The following CERS3 variants were observed in gnomAD, a reference collection of about 807,000 sequenced individuals.
CERS3 encodes LAG1 homolog, ceramide synthase 3.
Under a neutral mutation model 50.3 loss-of-function variants are expected in CERS3, and 33 were observed. That is an observed-to-expected ratio of 0.66 (90% CI 0.50 to 0.88). The LOEUF (loss-of-function observed/expected upper bound fraction) is 0.88. CERS3 is among the 40% of genes least tolerant of loss of function. The probability of loss-of-function intolerance (pLI) is 0.00; values close to 1 mark genes in which losing one functional copy is unlikely to be tolerated. For synonymous variants in CERS3, 176 were observed against 155.2 expected, an observed-to-expected ratio of 1.13 and a Z score of -0.99; for missense variants, 470 against 460.3, an observed-to-expected ratio of 1.02 and a Z score of -0.19.
intron 11 of CERS3, among the ~76,000 whole-genome samples, chr15:100,423,333 G>GCACT (rs2032587719): frequency 6.6e-6 from 1 of 152,106 alleles, no homozygotes; most frequent in Admixed American, 6.6e-5. Flanking sequence ...GTTCATCATA[G>GCACT]CACTATTCAC....
chr15:100,519,365 G>A (rs1382635667), intron 2 of CERS3, among the ~76,000 whole-genome samples: 1 of 152,082 alleles, frequency 6.6e-6, no homozygotes, highest in African/African-American at 2.4e-5. Flanking sequence ...AGAGTTCCTC[G>A]ATGTTATTCA....
At chr15:100,510,424 T>C (rs56017724) in intron 2 of CERS3, among the ~76,000 whole-genome samples, 18,167 of 152,176 alleles carry the variant, frequency 0.12, 1,274 homozygotes, top group African/African-American at 0.18. Context: ...AAATTCATAA[T>C]AGAGTTTCAA....
At chr15:100,427,874 A>G (rs2032914741) in intron 11 of CERS3, among the ~76,000 whole-genome samples, 1 of 152,222 alleles carries the variant, frequency 6.6e-6, no homozygotes, top group Admixed American at 6.5e-5. Context: ...CAGGATGGGA[A>G]CAGTTTTACT....
At chr15:100,499,624 C>T (rs910426199) in intron 3 of CERS3, among the ~76,000 whole-genome samples, 1 of 152,134 alleles carries the variant, frequency 6.6e-6, no homozygotes, top group African/African-American at 2.4e-5. Context: ...AGAAGATGTA[C>T]ATAAATGCAG....
chr15:100,484,196 C>G (rs1441703273), intron 5 of CERS3, among the ~76,000 whole-genome samples: 1 of 152,034 alleles, frequency 6.6e-6, no homozygotes, highest in Non-Finnish European at 1.5e-5. Flanking sequence ...TAGGGCCAAC[C>G]CTGACCCTAA....
At chr15:100,529,929 G>T (rs1463582241), upstream of CERS3, among the ~76,000 whole-genome samples, 1 of 152,202 alleles carries the variant, frequency 6.6e-6, no homozygotes, top group African/African-American at 2.4e-5. Context: ...GGAAACACCA[G>T]TTTCAAATTC....
intron 9 of CERS3, among the ~76,000 whole-genome samples, chr15:100,470,179 G>A (rs2034918460): frequency 1.3e-5 from 2 of 152,148 alleles, no homozygotes; most frequent in Admixed American, 6.5e-5. Context: ...GAAGTTTCTG[G>A]TGGGAATAGG....
chr15:100,416,848 A>T (rs1596617673), intron 11 of CERS3, among the ~76,000 whole-genome samples: 1 of 152,348 alleles, frequency 6.6e-6, no homozygotes, highest in East Asian at 1.9e-4. Context: ...CTAATATCCA[A>T]AATCTATAAG....
intron 1 of CERS3, among the ~76,000 whole-genome samples, chr15:100,528,079 T>C (rs1178744830): frequency 1.3e-5 from 2 of 152,262 alleles, no homozygotes; most frequent in African/African-American, 2.4e-5. Context: ...CCTAAAGCTT[T>C]ATTTCCCTTG....
intron 11 of CERS3, among the ~76,000 whole-genome samples, chr15:100,423,777 TCC>T (rs1342192694): frequency 1.3e-5 from 2 of 151,950 alleles, no homozygotes; most frequent in Non-Finnish European, 2.9e-5. Flanking sequence ...GAGCTCCTCT[TCC>T]CCCTACTCCA....
intron 11 of CERS3, among the ~76,000 whole-genome samples, chr15:100,423,498 C>G (rs1000373133): frequency 1.3e-5 from 2 of 152,046 alleles, no homozygotes; most frequent in African/African-American, 4.8e-5. Flanking sequence ...GGCCATTATC[C>G]CAAGTAAATT....
chr15:100,416,983 T>C (rs534935323), intron 11 of CERS3, among the ~76,000 whole-genome samples: 3 of 152,058 alleles, frequency 2.0e-5, no homozygotes, highest in African/African-American at 7.2e-5. Context: ...ATATTCAAAA[T>C]CACTAATAAT....
chr15:100,418,348 G>A (rs1334641352), intron 11 of CERS3, among the ~76,000 whole-genome samples: 1 of 151,968 alleles, frequency 6.6e-6, no homozygotes, highest in Non-Finnish European at 1.5e-5. Context: ...AAGATGAAAT[G>A]AATGAAATGA....
rs142907649 is a variant in CERS3, at chr15:100,411,305, G to A, written c.1000-8440C>T. ...GCCTCCCAAGTAGCTGGCGTTACAG[G>A]TGCCCACCACCATGCCCGGCTAATT... On this transcript the variant is annotated intron_variant, in intron 11 of 11. Transcript: ENST00000679737. Among the ~76,000 whole-genome samples the A allele has an allele frequency of 5.3e-3, 801 of 152,182 alleles. 7 individuals carry two copies. The highest frequency in any genetic ancestry group is 0.018 in the African/African-American group (765 of 41,510).
At chr15:100,465,994 T>G (rs1275020112) in intron 10 of CERS3, among the ~76,000 whole-genome samples, 1 of 152,314 alleles carries the variant, frequency 6.6e-6, no homozygotes, top group East Asian at 1.9e-4. Context: ...TCTGTTCATA[T>G]TGGTTTATTT....
chr15:100,522,422 G>A (rs1308709145), intron 1 of CERS3, among the ~76,000 whole-genome samples: 1 of 152,212 alleles, frequency 6.6e-6, no homozygotes, highest in Non-Finnish European at 1.5e-5. Flanking sequence ...AATTATTGAA[G>A]TATAACATAC....
chr15:100,464,625 T>C (rs1429697875), intron 10 of CERS3, among the ~76,000 whole-genome samples: 1 of 152,230 alleles, frequency 6.6e-6, no homozygotes, highest in African/African-American at 2.4e-5. Context: ...AAGGTCTTTC[T>C]AGCCTAATAA....
At chr15:100,510,767 T>C (rs1205813875) in intron 2 of CERS3, among the ~76,000 whole-genome samples, 1 of 152,232 alleles carries the variant, frequency 6.6e-6, no homozygotes. Flanking sequence ...GAGCGATTTT[T>C]AAAGCCAATT....
At chr15:100,403,163 G>A (rs148996458) in intron 11 of CERS3, among the ~76,000 whole-genome samples, 3 of 151,998 alleles carry the variant, frequency 2.0e-5, no homozygotes, top group Non-Finnish European at 2.9e-5. Flanking sequence ...CTAAACAATC[G>A]CTGGGTCAAA....
Sources: allele counts gnomAD v4.1 joint callset (sites outside exome capture counted in the v4.1 genomes callset), GRCh38; gene constraint gnomAD v4.1.1; transcripts MANE v1.5; gene names NCBI Gene and HGNC (gene_info 2026-07-23, HGNC 2026-07-21).